Variants in RBFOX3 observed in about 807,000 individuals in gnomAD.
RBFOX3 encodes the protein RNA binding fox-1 homolog 3.
A neutral mutation model predicts 48.7 loss-of-function variants in RBFOX3; 17 were observed. The observed-to-expected ratio is 0.35, with a 90% CI of 0.24 to 0.52. RBFOX3 has a LOEUF of 0.52. Among genes scored for constraint, RBFOX3 ranks in the 20% least tolerant of loss-of-function variants. RBFOX3 has a pLI of 0.94. For missense variants in RBFOX3, 382 were observed against 497.5 expected (o/e 0.77, Z 2.21); for synonymous variants, 212 against 209.5 (o/e 1.01, Z -0.10).
At chr17:79,427,624 G>A (rs959325568) in intron 2 of RBFOX3, among the ~76,000 whole-genome samples, 5 of 152,190 alleles carry the variant, frequency 3.3e-5, no homozygotes, top group South Asian at 2.1e-4. Flanking sequence ...ACTCTTAACC[G>A]TGGAGACCCT....
intron 4 of RBFOX3, among the ~76,000 whole-genome samples, chr17:79,189,989 G>A (rs375971693): frequency 6.6e-6 from 1 of 152,220 alleles, no homozygotes; most frequent in Admixed American, 6.5e-5. Flanking sequence ...CATATCACTC[G>A]CTGCTCCACG....
chr17:79,168,542 C>A (rs114107316), intron 4 of RBFOX3, among the ~76,000 whole-genome samples: 7,117 of 152,284 alleles, frequency 0.047, 586 homozygotes, highest in African/African-American at 0.16. Context: ...ACCCTGCCAG[C>A]CAGGAGGTGT....
chr17:79,410,341 G>C (rs1256603385), intron 2 of RBFOX3, among the ~76,000 whole-genome samples: 1 of 152,196 alleles, frequency 6.6e-6, no homozygotes, highest in Non-Finnish European at 1.5e-5. Context: ...CATCATTCTG[G>C]CTGCGGCAGG....
At position 79,168,558 on chromosome 17, in the gene RBFOX3, C is replaced by T. The variant is rs369793309; in HGVS notation, c.-33-52810G>A. ...CCCTGCCAGCCAGGAGGTGTCCTCA[C>T]CCCCACTGGTCCATGAGGAAACTGA... On this transcript the variant is annotated intron_variant, in intron 4 of 14. Coordinates refer to ENST00000693108, the MANE Select transcript of RBFOX3 (RefSeq NM_001350451.2). Among the ~76,000 whole-genome samples the T allele has an allele frequency of 3.9e-5, 6 of 152,348 alleles. No individual in the cohort carries two copies. In the South Asian group the frequency reaches 1.2e-3, roughly 32 times the overall value.
chr17:79,337,332 C>T (rs537817844), intron 2 of RBFOX3, among the ~76,000 whole-genome samples: 27 of 151,488 alleles, frequency 1.8e-4, no homozygotes, highest in African/African-American at 6.1e-4. Flanking sequence ...GGCACCACTG[C>T]TATTTCCAGA....
At chr17:79,553,497 T>C (rs2091340410) in intron 1 of RBFOX3, among the ~76,000 whole-genome samples, 1 of 152,234 alleles carries the variant, frequency 6.6e-6, no homozygotes, top group Non-Finnish European at 1.5e-5. Context: ...ACTTAGACTT[T>C]TTCTTCTTTA....
chr17:79,094,814 G>A (rs942640977), intron 13 of RBFOX3, among the ~76,000 whole-genome samples: 16 of 151,480 alleles, frequency 1.1e-4, no homozygotes, highest in Non-Finnish European at 1.6e-4. Flanking sequence ...GCTACGTGGA[G>A]GGGGATGGTG....
chr17:79,549,841 C>T (rs1285001956), intron 1 of RBFOX3, among the ~76,000 whole-genome samples: 3 of 152,150 alleles, frequency 2.0e-5, no homozygotes, highest in Non-Finnish European at 2.9e-5. Context: ...TCAAGAATGT[C>T]GAATCGTCAT....
At chr17:79,470,347 C>T (rs1003053689) in intron 2 of RBFOX3, among the ~76,000 whole-genome samples, 107 of 152,338 alleles carry the variant, frequency 7.0e-4, no homozygotes, top group African/African-American at 2.5e-3. Flanking sequence ...AGACTGTCAA[C>T]AGCAAATAAG....
chr17:79,360,968 G>T (rs893457536), intron 2 of RBFOX3, among the ~76,000 whole-genome samples: 2 of 152,120 alleles, frequency 1.3e-5, no homozygotes, highest in African/African-American at 4.8e-5. Context: ...ATTGTTGGGA[G>T]AGAGAAGCCT....
chr17:79,133,343 T>A (rs1599590768), intron 4 of RBFOX3, among the ~76,000 whole-genome samples: 1 of 152,282 alleles, frequency 6.6e-6, no homozygotes, highest in South Asian at 2.1e-4. Flanking sequence ...CTCATGCAGC[T>A]CCCATCTCAC....
chr17:79,265,820 A>G (rs2143215793), intron 3 of RBFOX3, among the ~76,000 whole-genome samples: 1 of 152,242 alleles, frequency 6.6e-6, no homozygotes, highest in East Asian at 1.9e-4. Flanking sequence ...AGGCCTGCCA[A>G]CTCTGGGCAG....
chr17:79,127,736 A>T (rs759803360), intron 4 of RBFOX3, among the ~76,000 whole-genome samples: 1 of 152,186 alleles, frequency 6.6e-6, no homozygotes, highest in Non-Finnish European at 1.5e-5. Context: ...TTAAAGCTGC[A>T]CTGGGCTGGA....
At chr17:79,173,219 A>ATACATACATACATAGATACATAC (rs1555730608) in intron 4 of RBFOX3, among the ~76,000 whole-genome samples, 2 of 150,592 alleles carry the variant, frequency 1.3e-5, no homozygotes, top group African/African-American at 4.9e-5. Flanking sequence ...TAAATAAATA[A>ATACATACATACATAGATACATAC]ATACATACAT....
At chr17:79,648,188 A>G in the RBFOX3 span, among the ~76,000 whole-genome samples, 1 of 152,166 alleles carries the variant, frequency 6.6e-6, no homozygotes, top group African/African-American at 2.4e-5. Flanking sequence ...GACGAACTGG[A>G]TGGGCCTATG....
At chr17:79,448,079 G>A (rs7218348) in intron 2 of RBFOX3, among the ~76,000 whole-genome samples, 1,847 of 152,240 alleles carry the variant, frequency 0.012, 43 homozygotes, top group African/African-American at 0.043. Context: ...TCCCAGCCAC[G>A]CTTCTGGTAC....
intron 2 of RBFOX3, among the ~76,000 whole-genome samples, chr17:79,326,136 C>G (rs1269633490): frequency 6.6e-6 from 1 of 152,132 alleles, no homozygotes; most frequent in Non-Finnish European, 1.5e-5. Context: ...CAGAGCATCA[C>G]TGTCTGTGGC....
chr17:79,149,974 A>T (rs1482615686), intron 4 of RBFOX3, among the ~76,000 whole-genome samples: 2 of 29,282 alleles, frequency 6.8e-5, no homozygotes, highest in South Asian at 4.0e-3. Context: ...ATGGGGGCTG[A>T]GGGTGGGGAT....
At chr17:79,475,790 A>AG (rs1286010705) in intron 2 of RBFOX3, among the ~76,000 whole-genome samples, 2 of 152,210 alleles carry the variant, frequency 1.3e-5, no homozygotes, top group Non-Finnish European at 2.9e-5. Context: ...CTGACAGTGC[A>AG]TCTATAAGCC....
Sources: allele counts gnomAD v4.1 joint callset (sites outside exome capture counted in the v4.1 genomes callset), GRCh38; gene constraint gnomAD v4.1.1; transcripts MANE v1.5; gene names NCBI Gene and HGNC (gene_info 2026-07-23, HGNC 2026-07-21).